Variants in TICRR observed in about 807,000 individuals in gnomAD.
TICRR encodes TOPBP1 interacting checkpoint and replication regulator.
In TICRR, 132 loss-of-function variants were observed where a neutral mutation model predicts 178.1. That is an observed-to-expected ratio of 0.74 (90% CI 0.64 to 0.86). TICRR has a LOEUF of 0.86. TICRR is among the 40% of genes least tolerant of loss of function. The pLI is 0.00. For synonymous variants in TICRR, 991 were observed against 900.7 expected (o/e 1.10, Z -1.79); for missense variants, 2,587 against 2,334.3 (o/e 1.11, Z -2.23).
rs1465743200 is a variant in TICRR at position 89,608,925 on chromosome 15, C to T, written c.2845C>T (p.Leu949Phe). 1.1e-5 allele frequency: 18 copies of T among 1,598,594 alleles called. No homozygotes were observed. The highest frequency in any genetic ancestry group is 1.5e-5 in the Non-Finnish European group (18 of 1,175,614). ...AGCTGTGGATGGTCTAGAGGATAAA[C>T]TTGACAACTTCAAGAAGAACAAAGG... The part of the protein sequence containing the change: ...VSAVDGLEDK[L>F]DNFKKNKGYH... Residue 949 changes from leucine (L) to phenylalanine (F), a missense_variant, in exon 15 of 22, where the codon CTT (leucine) becomes TTT (phenylalanine). Leu to Phe is a conservative substitution (Grantham distance 22). Transcript: ENST00000268138.
At position 89,625,725 on chromosome 15, in the gene TICRR, G is replaced by T; in HGVS notation, c.5415G>T (p.Gly1805=). 1 of 1,613,308 alleles carries T rather than the reference G, an allele frequency of 6.2e-7. No homozygotes were observed. Among genetic ancestry groups the T allele is most frequent in the Non-Finnish European group, 8.5e-7 (1 of 1,180,006 alleles). Residue 1805 remains glycine, a synonymous_variant, in exon 20 of 22, where the codon GGG becomes GGT. Transcript: ENST00000268138. ...CAGAAGTTAGTAAGAGTAAAGAGGG[G>T]TCTCCAAGTTGGAGTGCATGGCAGC... The part of the protein sequence containing the change: ...EDSEVSKSKE[G]SPSWSAWQLP...
Position 89,619,858 on chromosome 15 carries a change from C to G in TICRR, c.3154+16C>G. 1 of 1,597,272 alleles carries G rather than the reference C, an allele frequency of 6.3e-7. No individual in the cohort carries two copies. The highest frequency in any genetic ancestry group is 2.2e-5 in the East Asian group (1 of 44,688). On this transcript the variant is annotated intron_variant, in intron 18 of 21. Coordinates refer to ENST00000268138, the MANE Select transcript of TICRR (RefSeq NM_152259.4). ...GATAAGTCAGGTAACATACGGGCCC[C>G]TCTGCCTTCACAAGTCCGTGCTGAC...
rs1419620588 is a variant in TICRR, at chr15:89,617,722, T to C, written c.2961-430T>C. On this transcript the variant is annotated intron_variant, in intron 16 of 21. Coordinates refer to ENST00000268138, the MANE Select transcript of TICRR (RefSeq NM_152259.4). ...TTTTTTTTTTTTTTGAGACAGAGTC[T>C]AGCTCTGTCGCCAGGCTGGAGTGCA... 2.9e-5 allele frequency among the ~76,000 whole-genome samples: 4 copies of C among 139,422 alleles called. 1 individual carries two copies. In the Admixed American group the frequency reaches 3.0e-4, roughly 10 times the overall value. 91.5% of individuals were successfully genotyped at this position (139,422 alleles called of 152,430 possible).
chr15:89,601,208 G>T, intron 9 of TICRR, 90 bp from the exon 10 acceptor site: 1 of 1,133,514 alleles, frequency 8.8e-7, no homozygotes. Context: ...TGGTTGTTGT[G>T]TCTTATATAA....
At chr15:89,617,030 G>A (rs1963346176) in intron 16 of TICRR, among the ~76,000 whole-genome samples, 1 of 152,164 alleles carries the variant, frequency 6.6e-6, no homozygotes, top group Non-Finnish European at 1.5e-5. Flanking sequence ...CTGGCACCCA[G>A]TCTAGGGGTG....
chr15:89,590,536 A>T (rs77641399), intron 4 of TICRR, among the ~76,000 whole-genome samples: 1 of 152,202 alleles, frequency 6.6e-6, no homozygotes, highest in Non-Finnish European at 1.5e-5. Context: ...CATGGCCCAC[A>T]GTTTCTTCCA....
At chr15:89,616,921 T>A (rs1450665238) in intron 16 of TICRR, among the ~76,000 whole-genome samples, 1 of 152,202 alleles carries the variant, frequency 6.6e-6, no homozygotes, top group African/African-American at 2.4e-5. Flanking sequence ...AAGTTTTCTG[T>A]CTTGCTTGGC....
rs1160552973 is a variant in TICRR at position 89,575,540 on chromosome 15, G to C, written c.-47G>C. ...TCCCTGAAGGAAGGGACTAAGGGAC[G>C]GTGGCGCGGGCCCGGACCGGGGCCC... On this transcript the variant is annotated 5_prime_UTR_variant, in exon 1 of 22. Transcript: ENST00000268138. 14 of 1,440,974 alleles carry C rather than the reference G, an allele frequency of 9.7e-6. No homozygotes were observed. Among genetic ancestry groups the C allele is most frequent in the Non-Finnish European group, 1.1e-5 (12 of 1,104,122 alleles). The allele number at this position is 1,440,974 out of a possible 1,614,324, so 89.3% of individuals were successfully genotyped here. A position where few individuals can be genotyped will look rare whatever the true frequency, so the allele number is the denominator to read the frequency against.
Position 89,575,583 on chromosome 15 carries a change from C to T in TICRR, c.-4C>T, listed in dbSNP as rs1417456529. The T allele has an allele frequency of 6.8e-7, 1 of 1,468,940 alleles. No individual in the cohort carries two copies. Among genetic ancestry groups the T allele is most frequent in the South Asian group, 1.4e-5 (1 of 71,280 alleles). The allele number at this position is 1,468,940 out of a possible 1,614,324, so 91.0% of individuals were successfully genotyped here. A position where few individuals can be genotyped will look rare whatever the true frequency, so the allele number is the denominator to read the frequency against. On this transcript the variant is annotated 5_prime_UTR_variant, in exon 1 of 22. Transcript: ENST00000268138. The stretch of plus-strand genomic sequence containing the variant: ...CGGGGCCCCGGGGCGGCGGCACGGC[C>T]GATATGGCATGCTGTCACAAAGTAA...
intron 13 of TICRR, among the ~76,000 whole-genome samples, chr15:89,605,630 TTACAG>T (rs1273276647): frequency 2.0e-5 from 3 of 152,232 alleles, no homozygotes; most frequent in African/African-American, 7.2e-5. Context: ...AGTGCTAGGA[TTACAG>T]GCGTGAGCCT....
Position 89,627,152 on chromosome 15 carries a change from G to C in TICRR, c.*66G>C. On this transcript the variant is annotated 3_prime_UTR_variant, in exon 22 of 22. Coordinates refer to ENST00000268138, the MANE Select transcript of TICRR (RefSeq NM_152259.4). ...AGGACCCTGTGGACATAAAGAAGTT[G>C]GATGCCTGGTCCCAAGCCTCTTTTG... The C allele has an allele frequency of 6.3e-7, 1 of 1,594,002 alleles. No homozygotes were observed. Among genetic ancestry groups the C allele is most frequent in the African/African-American group, 1.3e-5 (1 of 74,308 alleles).
At chr15:89,603,812 TAAC>T (rs1397170167) in intron 13 of TICRR, among the ~76,000 whole-genome samples, 1 of 152,206 alleles carries the variant, frequency 6.6e-6, no homozygotes, top group African/African-American at 2.4e-5. Context: ...AGTAAGAGAT[TAAC>T]AACAATAGTA....
rs370521783 is a variant in TICRR at position 89,619,688 on chromosome 15, C to T, written c.3020-20C>T. 1.7e-4 allele frequency: 265 copies of T among 1,595,098 alleles called. No individual in the cohort carries two copies. Among genetic ancestry groups the T allele is most frequent in the Non-Finnish European group, 2.1e-4 (250 of 1,172,850 alleles). On this transcript the variant is annotated intron_variant, in intron 17 of 21. Transcript: ENST00000268138. ...GCTTGTAGTTGTCTTTGGTTACTTACTGTGGTTCTGATTTTACAGAAATAA... is the reference window on the plus strand; with the variant it reads ...GCTTGTAGTTGTCTTTGGTTACTTATTGTGGTTCTGATTTTACAGAAATAA...
intron 15 of TICRR, among the ~76,000 whole-genome samples, chr15:89,613,881 G>A (rs747058269): frequency 3.9e-5 from 6 of 151,990 alleles, no homozygotes; most frequent in African/African-American, 4.8e-5. Flanking sequence ...CTAGCCGGGC[G>A]CGGTGGCTCA....
chr15:89,618,038 T>G lies in TICRR; in HGVS notation c.2961-114T>G, dbSNP rs940110469. The G allele has an allele frequency of 5.9e-5, 62 of 1,055,500 alleles. No homozygotes were observed. In the African/African-American group the frequency reaches 8.4e-4, roughly 14 times the overall value. The allele number at this position is 1,055,500 out of a possible 1,614,324, so 65.4% of individuals were successfully genotyped here. On this transcript the variant is annotated intron_variant, in intron 16 of 21. Coordinates refer to ENST00000268138, the MANE Select transcript of TICRR (RefSeq NM_152259.4). ...TATGAGAGCCCTTTACCAGCACTGG[T>G]GTTATCAGACCCTGTGATCTTTGTG...
intron 3 of TICRR, 98 bp from the exon 4 acceptor site, chr15:89,585,610 A>G: frequency 3.6e-6 from 3 of 833,800 alleles, no homozygotes; most frequent in Non-Finnish European, 5.9e-6. Context: ...CACGTTAATA[A>G]TAATTGGGAA....
Position 89,584,404 on chromosome 15 carries a change from C to G in TICRR, c.1053C>G (p.Leu351=), listed in dbSNP as rs1324524334. ...FLKGSVAQWS[L]PTSSTLGTDS... ...AAGGCTCAGTGGCCCAGTGGTCTCTCCCAACGAGCAGCACTTTGGGCACTG... is the reference window on the plus strand; with the variant it reads ...AAGGCTCAGTGGCCCAGTGGTCTCTGCCAACGAGCAGCACTTTGGGCACTG... Residue 351 remains leucine (L), a synonymous_variant, in exon 3 of 22, where the codon CTC becomes CTG. Coordinates refer to ENST00000268138, the MANE Select transcript of TICRR (RefSeq NM_152259.4). The G allele has an allele frequency of 6.2e-7, 1 of 1,614,058 alleles. No homozygotes were observed. The highest frequency in any genetic ancestry group is 1.3e-5 in the African/African-American group (1 of 74,926).
chr15:89,596,197 G>A (rs1157806052), intron 7 of TICRR, among the ~76,000 whole-genome samples: 1 of 152,032 alleles, frequency 6.6e-6, no homozygotes, highest in Non-Finnish European at 1.5e-5. Context: ...AAATGATGCT[G>A]GAACAACTAG....
intron 3 of TICRR, among the ~76,000 whole-genome samples, chr15:89,585,262 C>T (rs1567040763): frequency 1.3e-5 from 2 of 152,172 alleles, no homozygotes; most frequent in African/African-American, 4.8e-5. Flanking sequence ...CTGCTGCCTA[C>T]TGTATGTTCT....
Sources: allele counts gnomAD v4.1 joint callset (sites outside exome capture counted in the v4.1 genomes callset), GRCh38; gene constraint gnomAD v4.1.1; transcripts MANE v1.5; gene names NCBI Gene and HGNC (gene_info 2026-07-23, HGNC 2026-07-21).